The following UGT1A3 variants were observed in gnomAD, a reference collection of about 807,000 sequenced individuals.
UGT1A3 encodes UDP glucuronosyltransferase family 1 member A3.
In UGT1A3, 31 loss-of-function variants were observed where a neutral mutation model predicts 41.0. That is an observed-to-expected ratio of 0.76 (90% confidence interval 0.57 to 1.02). The LOEUF (loss-of-function observed/expected upper bound fraction) is 1.02. Among genes scored for constraint, UGT1A3 ranks in the 50% least tolerant of loss-of-function variants. The pLI is 0.00. For synonymous variants in UGT1A3, 262 were observed against 257.6 expected (o/e 1.02, Z -0.17); for missense variants, 737 against 671.0 (o/e 1.10, Z -1.09).
At chr2:233,732,755 G>GTT (rs956485327) in intron 1 of UGT1A3, among the ~76,000 whole-genome samples, 69 of 120,202 alleles carry the variant, frequency 5.7e-4, no homozygotes, top group African/African-American at 1.5e-3. Context: ...CACCAGCTTT[G>GTT]TTTTTTTTTT....
intron 1 of UGT1A3, among the ~76,000 whole-genome samples, chr2:233,763,208 C>A (rs998860630): frequency 1.3e-5 from 2 of 152,170 alleles, no homozygotes; most frequent in Non-Finnish European, 2.9e-5. Flanking sequence ...TGCAGTCAGG[C>A]TTAGGTGTGA....
intron 1 of UGT1A3, chr2:233,755,113 A>G (rs1695768898): frequency 4.5e-6 from 6 of 1,332,422 alleles, no homozygotes; most frequent in Non-Finnish European, 6.1e-6. Flanking sequence ...AACACCTCGT[A>G]GGCCTCAGCC....
At chr2:233,746,478 T>C (rs1007346584) in intron 1 of UGT1A3, among the ~76,000 whole-genome samples, 1 of 151,746 alleles carries the variant, frequency 6.6e-6, no homozygotes, top group Non-Finnish European at 1.5e-5. Flanking sequence ...AGAAACACTT[T>C]CCATGGACAT....
chr2:233,753,795 C>T (rs760622704), intron 1 of UGT1A3: 6 of 152,312 alleles, frequency 3.9e-5, no homozygotes, highest in African/African-American at 1.4e-4. Flanking sequence ...TTTCCAGGAC[C>T]TACCATAGTT....
Position 233,772,666 on chromosome 2 carries a change from T to G in UGT1A3, c.*107T>G. 6.5e-7 allele frequency: 1 copy of G among 1,538,162 alleles called. No individual in the cohort carries two copies. Among genetic ancestry groups the G allele is most frequent in the South Asian group, 1.2e-5 (1 of 82,746 alleles). Reference sequence around the variant, plus strand: ...ATTTTATTCTTATTAAGGAAATACTTTGCATAAATTAATCAGCCCCAGAGT... The same window carrying G: ...ATTTTATTCTTATTAAGGAAATACTGTGCATAAATTAATCAGCCCCAGAGT... On this transcript the variant is annotated 3_prime_UTR_variant, in exon 5 of 5. Coordinates refer to ENST00000482026, the MANE Select transcript of UGT1A3 (RefSeq NM_019093.4).
intron 1 of UGT1A3, chr2:233,755,405 C>T (rs1027033483): frequency 1.1e-4 from 37 of 334,342 alleles, no homozygotes; most frequent in Middle Eastern, 1.1e-3. Context: ...ATCTCATTGG[C>T]CGAGGCCTGT....
intron 1 of UGT1A3, among the ~76,000 whole-genome samples, chr2:233,765,193 A>G (rs1229079097): frequency 6.6e-6 from 1 of 152,214 alleles, no homozygotes; most frequent in Non-Finnish European, 1.5e-5. Flanking sequence ...TCACACAATC[A>G]TATTAGTGCC....
intron 1 of UGT1A3, chr2:233,741,926 GCATAACCTGTGC>G: frequency 6.6e-6 from 1 of 151,948 alleles, no homozygotes; most frequent in Non-Finnish European, 1.5e-5. Context: ...TTCATTTGGG[GCATAACCTGTGC>G]CAACAGAAAG....
chr2:233,734,406 C>G (rs543210294), intron 1 of UGT1A3, among the ~76,000 whole-genome samples: 13 of 151,932 alleles, frequency 8.6e-5, no homozygotes, highest in African/African-American at 2.7e-4. Flanking sequence ...CTATTTGATT[C>G]TTCTCTCTTT....
intron 1 of UGT1A3, chr2:233,740,870 A>G (rs528081181): frequency 3.3e-5 from 5 of 151,856 alleles, no homozygotes; most frequent in Non-Finnish European, 7.3e-5. Context: ...TTCTTTAAAT[A>G]AAATGCTCTT....
At chr2:233,732,524 A>G (rs1199898466) in intron 1 of UGT1A3, among the ~76,000 whole-genome samples, 2 of 152,212 alleles carry the variant, frequency 1.3e-5, no homozygotes, top group African/African-American at 2.4e-5. Context: ...AGCTTTCTAC[A>G]TATGGCCAGT....
chr2:233,760,044 T>C (rs183598295), intron 1 of UGT1A3, among the ~76,000 whole-genome samples: 36 of 152,234 alleles, frequency 2.4e-4, no homozygotes, highest in East Asian at 9.6e-4. Context: ...CTTTGCTGTG[T>C]TCACTCAAGA....
chr2:233,755,186 G>T, intron 1 of UGT1A3: 2 of 1,186,224 alleles, frequency 1.7e-6, no homozygotes, highest in Non-Finnish European at 2.3e-6. Flanking sequence ...GGTGCCACTT[G>T]AGCGCCAGCT....
chr2:233,753,001 T>C (rs1372117630), intron 1 of UGT1A3, among the ~76,000 whole-genome samples: 3 of 151,962 alleles, frequency 2.0e-5, no homozygotes, highest in African/African-American at 7.3e-5. Context: ...CATTCTATCC[T>C]ACCCAGAGTG....
chr2:233,757,115 C>G lies in UGT1A3; in HGVS notation c.868-9919C>G, dbSNP rs11568319. ...CAGAGGGAGGGGGCAAGCAGAAGGG[C>G]TAGAGAGGAGGAATGAGCTTGGACA... On this transcript the variant is annotated intron_variant, in intron 1 of 4. Transcript: ENST00000482026. 7.2e-4 allele frequency among the ~76,000 whole-genome samples: 109 copies of G among 150,950 alleles called. 1 individual carries two copies. In the East Asian group the frequency reaches 0.02, roughly 28 times the overall value.
chr2:233,768,875 C>T (rs543311550), intron 4 of UGT1A3, among the ~76,000 whole-genome samples: 45 of 152,066 alleles, frequency 3.0e-4, no homozygotes, highest in African/African-American at 8.0e-4. Context: ...TGAGCCAGCG[C>T]GTCTGACCTG....
At chr2:233,734,939 T>C (rs1485596557) in intron 1 of UGT1A3, among the ~76,000 whole-genome samples, 1 of 152,222 alleles carries the variant, frequency 6.6e-6, no homozygotes, top group Non-Finnish European at 1.5e-5. Flanking sequence ...TACAATCATA[T>C]GGTCAGTTTT....
At chr2:233,771,613 G>GT (rs1296922590) in intron 4 of UGT1A3, 10 of 152,180 alleles carry the variant, frequency 6.6e-5, no homozygotes, top group Non-Finnish European at 1.2e-4. Flanking sequence ...AATTTCTGAC[G>GT]TGACATTTTC....
At chr2:233,762,313 T>A (rs1035982374) in intron 1 of UGT1A3, among the ~76,000 whole-genome samples, 5 of 152,234 alleles carry the variant, frequency 3.3e-5, no homozygotes, top group Admixed American at 3.3e-4. Context: ...AGTTAATGGG[T>A]CGAGAGTAAT....
Sources: gnomAD v4.1 joint callset for allele counts (sites outside exome capture counted in the v4.1 genomes callset) on GRCh38, gnomAD v4.1.1 for gene constraint, MANE v1.5 for transcripts, NCBI Gene and HGNC (gene_info 2026-07-23, HGNC 2026-07-21) for gene names.